GALNT13: variants seen among roughly 807,000 people sequenced by gnomAD.
The protein encoded by GALNT13 is polypeptide N-acetylgalactosaminyltransferase 13, also known as UDP-GalNAc:polypeptide N-acetylgalactosaminyltransferase 13.
A neutral mutation model predicts 64.2 loss-of-function variants in GALNT13; 28 were observed. The ratio of observed to expected loss-of-function variants is 0.44; its 90% CI spans 0.32 to 0.60. GALNT13 has a LOEUF of 0.60. GALNT13 is among the 20% of genes least tolerant of loss of function. The pLI, the probability that GALNT13 is intolerant of heterozygous loss-of-function variation, is 0.05. For synonymous variants in GALNT13, 214 were observed against 224.6 expected, an observed-to-expected ratio of 0.95 and a Z score of 0.42; for missense variants, 577 against 669.8, an observed-to-expected ratio of 0.86 and a Z score of 1.53.
the GALNT13 span, among the ~76,000 whole-genome samples, chr2:153,824,935 C>T: frequency 0.37 from 56,607 of 151,874 alleles, 10,882 homozygotes; most frequent in Middle Eastern, 0.51. Context: ...CCATGCCTTC[C>T]GTACACCCTG....
the GALNT13 span, among the ~76,000 whole-genome samples, chr2:153,331,133 A>G: frequency 2.0e-5 from 3 of 152,174 alleles, no homozygotes; most frequent in Non-Finnish European, 2.9e-5. Flanking sequence ...CTACATGATC[A>G]TGTTGAAATA....
chr2:154,213,206 C>G (rs1434075300), intron 4 of GALNT13, among the ~76,000 whole-genome samples: 1 of 152,114 alleles, frequency 6.6e-6, no homozygotes, highest in Non-Finnish European at 1.5e-5. Flanking sequence ...ACCTCAGCCT[C>G]AGTGGCTGGA....
intron 2 of GALNT13, among the ~76,000 whole-genome samples, chr2:153,939,592 A>G (rs1178406776): frequency 1.3e-5 from 2 of 152,148 alleles, no homozygotes; most frequent in African/African-American, 4.8e-5. Context: ...TACATCTAAA[A>G]TAGTTCTGCT....
the GALNT13 span, among the ~76,000 whole-genome samples, chr2:153,747,551 A>G: frequency 7.4e-5 from 11 of 147,884 alleles, no homozygotes; most frequent in Admixed American, 7.6e-4. Flanking sequence ...CCTCAGACTC[A>G]CTGGAAGCTG....
At chr2:154,369,840 A>T (rs1697581812) in intron 9 of GALNT13, among the ~76,000 whole-genome samples, 1 of 152,162 alleles carries the variant, frequency 6.6e-6, no homozygotes, top group African/African-American at 2.4e-5. Flanking sequence ...CTCTTGGTTG[A>T]TAGGCTTCTC....
At chr2:153,464,405 G>A in the GALNT13 span, among the ~76,000 whole-genome samples, 10 of 151,558 alleles carry the variant, frequency 6.6e-5, no homozygotes, top group Non-Finnish European at 1.0e-4. Context: ...TTATTTTTAA[G>A]TCTAAGTTTG....
intron 3 of GALNT13, among the ~76,000 whole-genome samples, chr2:154,089,350 T>G (rs1558951305): frequency 6.6e-6 from 1 of 152,048 alleles, no homozygotes; most frequent in Non-Finnish European, 1.5e-5. Flanking sequence ...GCTTGAAACT[T>G]TCCTCTTATA....
the GALNT13 span, among the ~76,000 whole-genome samples, chr2:153,095,874 C>G: frequency 6.7e-6 from 1 of 150,258 alleles, no homozygotes; most frequent in Non-Finnish European, 1.5e-5. Context: ...CATCACACAC[C>G]GGGGCCTGTC....
chr2:153,166,620 C>CGTGTGT, the GALNT13 span, among the ~76,000 whole-genome samples: 233 of 72,662 alleles, frequency 3.2e-3, 3 homozygotes, highest in Middle Eastern at 0.043. Flanking sequence ...TTGCCTACTG[C>CGTGTGT]ATGTGTGTGT....
At chr2:154,002,205 G>A (rs776636154) in intron 3 of GALNT13, among the ~76,000 whole-genome samples, 4 of 151,994 alleles carry the variant, frequency 2.6e-5, no homozygotes, top group Non-Finnish European at 5.9e-5. Context: ...GGATGTTGTT[G>A]TTATTCTCCA....
chr2:153,632,095 C>G, the GALNT13 span, among the ~76,000 whole-genome samples: 2 of 152,180 alleles, frequency 1.3e-5, no homozygotes, highest in African/African-American at 2.4e-5. Context: ...AATCCTCTCC[C>G]AAGTCCCTCT....
the GALNT13 span, among the ~76,000 whole-genome samples, chr2:153,331,659 A>G: frequency 6.6e-6 from 1 of 151,956 alleles, no homozygotes; most frequent in African/African-American, 2.4e-5. Flanking sequence ...ATTTGCTGGC[A>G]GCTGATTAGA....
chr2:153,593,924 C>T, the GALNT13 span, among the ~76,000 whole-genome samples: 1 of 152,046 alleles, frequency 6.6e-6, no homozygotes, highest in African/African-American at 2.4e-5. Flanking sequence ...GACTGAAGCT[C>T]CATGAAAAGG....
At chr2:153,437,840 T>C in the GALNT13 span, among the ~76,000 whole-genome samples, 1 of 152,236 alleles carries the variant, frequency 6.6e-6, no homozygotes, top group African/African-American at 2.4e-5. Context: ...AAGGTTAATA[T>C]TGTTATGTGT....
the GALNT13 span, among the ~76,000 whole-genome samples, chr2:153,798,416 C>T: frequency 1.3e-5 from 2 of 152,042 alleles, no homozygotes; most frequent in African/African-American, 2.4e-5. Flanking sequence ...GAGTTTATTA[C>T]TATATATGTT....
chr2:153,950,766 T>C lies in GALNT13; in HGVS notation c.142+6127T>C, dbSNP rs117357313. The stretch of plus-strand genomic sequence containing the variant: ...ACTTCAGAGACTTCCATCAACATGA[T>C]TGAATCTTGAACATATAATAGTAAA... On this transcript the variant is annotated intron_variant, in intron 3 of 12. Coordinates refer to ENST00000392825, the MANE Select transcript of GALNT13 (RefSeq NM_052917.4). Among the ~76,000 whole-genome samples, 138 of 152,216 alleles carry C rather than the reference T, an allele frequency of 9.1e-4. 2 individuals carry two copies. The East Asian group carries it at 0.024, about 26-fold the overall frequency.
chr2:153,713,421 G>T, the GALNT13 span, among the ~76,000 whole-genome samples: 1 of 152,080 alleles, frequency 6.6e-6, no homozygotes, highest in Non-Finnish European at 1.5e-5. Context: ...CTTACATTAT[G>T]ATTTTGTTGA....
the GALNT13 span, among the ~76,000 whole-genome samples, chr2:153,086,480 G>A: frequency 1.6e-3 from 240 of 152,230 alleles, 1 homozygote; most frequent in Middle Eastern, 6.8e-3. Flanking sequence ...TCATGGTGGT[G>A]AATAAGTCTC....
chr2:153,689,750 A>G, the GALNT13 span, among the ~76,000 whole-genome samples: 1 of 152,196 alleles, frequency 6.6e-6, no homozygotes, highest in South Asian at 2.1e-4. Context: ...CTGACTCTTC[A>G]AGACTTTCAC....
Sources: allele counts gnomAD v4.1 joint callset (sites outside exome capture counted in the v4.1 genomes callset), GRCh38; gene constraint gnomAD v4.1.1; transcripts MANE v1.5; gene names NCBI Gene and HGNC (gene_info 2026-07-23, HGNC 2026-07-21).